The following LMLN variants were observed in gnomAD, a reference collection of about 807,000 sequenced individuals.
LMLN encodes leishmanolysin like peptidase.
In LMLN, 70 loss-of-function variants were observed where a neutral mutation model predicts 92.3. The observed-to-expected ratio is 0.76, with a 90% CI of 0.63 to 0.92. The LOEUF (loss-of-function observed/expected upper bound fraction) is 0.92. LMLN is among the 40% of genes least tolerant of loss of function. The pLI is 0.00. For missense variants in LMLN, 691 were observed against 814.6 expected (o/e 0.85, Z 1.85); for synonymous variants, 308 against 296.2 (o/e 1.04, Z -0.41).
intron 11 of LMLN, among the ~76,000 whole-genome samples, chr3:198,017,972 A>G (rs112321810): frequency 0.019 from 2,962 of 152,264 alleles, 114 homozygotes; most frequent in African/African-American, 0.068. Context: ...AGTGACATAC[A>G]TGATTAGTGG....
In LMLN at chr3:198,031,745, G is replaced by A. The variant is rs1267936532; in HGVS notation, c.1657-4088G>A. 6.6e-6 allele frequency among the ~76,000 whole-genome samples: 1 copy of A among 152,012 alleles called. No homozygotes were observed. The highest frequency in any genetic ancestry group is 2.4e-5 in the African/African-American group (1 of 41,364). On this transcript the variant is annotated intron_variant, in intron 14 of 15. Transcript: ENST00000330198. The surrounding 1 kb of genome is among the most constrained non-coding windows in gnomAD (Gnocchi z 4.8). ...ACATCCTCATCTGCCACAAGCCCCA[G>A]TATTCCAAAATTTAATGGGTTGATT... is the stretch of plus-strand genomic sequence containing the variant.
At chr3:198,001,864 G>A (rs1722183151) in intron 11 of LMLN, among the ~76,000 whole-genome samples, 1 of 151,904 alleles carries the variant, frequency 6.6e-6, no homozygotes, top group African/African-American at 2.4e-5. Flanking sequence ...CGTTGCCCAG[G>A]CTGGTCTCAA....
Position 197,990,696 on chromosome 3 carries a change from A to T in LMLN, c.1047+20A>T. On this transcript the variant is annotated intron_variant, in intron 9 of 15. Transcript: ENST00000330198. ...GTTGTTGTAAGTATTATCAGACTTC[A>T]TGTCTCATGAGCCATCTGTTCTTTT... 4 of 1,157,600 alleles carry T rather than the reference A, an allele frequency of 3.5e-6. No homozygotes were observed. Among genetic ancestry groups the T allele is most frequent in the African/African-American group, 1.5e-5 (1 of 66,018 alleles). 71.7% of individuals were successfully genotyped at this position (1,157,600 alleles called of 1,614,324 possible).
chr3:198,039,696 A>G (rs1723345498), exon 16 of LMLN: 1 of 152,096 alleles, frequency 6.6e-6, no homozygotes, highest in Non-Finnish European at 1.5e-5. Context: ...ATTAAATCTT[A>G]TGATTTAACC....
At chr3:198,012,431 T>G (rs1211237414) in intron 11 of LMLN, among the ~76,000 whole-genome samples, 3 of 152,314 alleles carry the variant, frequency 2.0e-5, no homozygotes, top group African/African-American at 7.2e-5. Context: ...TGGGTTCTTC[T>G]ATATCCTTGC....
At chr3:197,980,353 T>G (rs1228214175) in exon 6 of LMLN, 1 of 1,614,000 alleles carries the variant, frequency 6.2e-7, no homozygotes, top group South Asian at 1.1e-5. Context: ...TGGGGGTAAG[T>G]GGCCTCATGG....
intron 1 of LMLN, among the ~76,000 whole-genome samples, chr3:197,971,866 C>T (rs1721233267): frequency 6.6e-6 from 1 of 150,560 alleles, no homozygotes; most frequent in East Asian, 2.0e-4. Flanking sequence ...TATTCTGTCT[C>T]ATATTTTCTC....
At position 198,021,732 on chromosome 3, in the gene LMLN, A is replaced by G. The variant is rs543583481; in HGVS notation, c.1525+127A>G. Reference sequence around the variant, plus strand: ...GAATTTGCTTTATAGTTCAGCTGCTATCCATATGTAAGAAGTGACTTAACT... The same window carrying G: ...GAATTTGCTTTATAGTTCAGCTGCTGTCCATATGTAAGAAGTGACTTAACT... On this transcript the variant is annotated intron_variant, in intron 13 of 15. Coordinates refer to ENST00000330198, the Ensembl canonical transcript of LMLN. 2.1e-4 allele frequency: 153 copies of G among 713,460 alleles called. No homozygotes were observed. In the African/African-American group the frequency reaches 2.5e-3, roughly 12 times the overall value. The allele number at this position is 713,460 out of a possible 1,614,324, so 44.2% of individuals were successfully genotyped here.
chr3:198,002,972 A>T, intron 11 of LMLN, 43 bp from the exon 12 acceptor site: 1 of 1,131,726 alleles, frequency 8.8e-7, no homozygotes, highest in Non-Finnish European at 1.3e-6. Context: ...GTTGTTTTTG[A>T]AAGGACAGCA....
At chr3:198,034,623 A>T (rs78214475) in intron 14 of LMLN, among the ~76,000 whole-genome samples, 5,824 of 152,218 alleles carry the variant, frequency 0.038, 171 homozygotes, top group East Asian at 0.096. Context: ...AAAAATAAAT[A>T]AATTAAAATT....
intron 6 of LMLN, 126 bp downstream of exon 6, chr3:197,980,630 G>C (rs1334795476): frequency 2.3e-6 from 2 of 887,184 alleles, no homozygotes; most frequent in Non-Finnish European, 3.5e-6. Flanking sequence ...GACAGGAATA[G>C]CATGCTGCCT....
intron 12 of LMLN, among the ~76,000 whole-genome samples, chr3:198,020,936 T>A (rs868283214): frequency 3.4e-4 from 52 of 151,426 alleles, no homozygotes; most frequent in African/African-American, 8.7e-4. Context: ...AAATTAATTT[T>A]AAAAAAAAGG....
At chr3:197,980,542 T>C in intron 6 of LMLN, 38 bp downstream of exon 6, 2 of 1,574,468 alleles carry the variant, frequency 1.3e-6, no homozygotes, top group African/African-American at 1.4e-5. Context: ...CAAGATCTAA[T>C]GTGGGAACTC....
At chr3:197,983,837 A>C in intron 6 of LMLN, 106 bp from the exon 7 acceptor site, 2 of 665,972 alleles carry the variant, frequency 3.0e-6, no homozygotes, top group Non-Finnish European at 5.2e-6. Flanking sequence ...TGCATTGGAT[A>C]CTTTGCAAAG....
chr3:198,018,420 A>C (rs1366427942), intron 11 of LMLN, among the ~76,000 whole-genome samples: 3 of 152,236 alleles, frequency 2.0e-5, no homozygotes, highest in Non-Finnish European at 4.4e-5. Flanking sequence ...AGTAAATTCC[A>C]CAGAAGTGTG....
At chr3:198,024,820 A>G in intron 14 of LMLN, 32 bp downstream of exon 15, 1 of 1,553,740 alleles carries the variant, frequency 6.4e-7, no homozygotes, top group Non-Finnish European at 8.7e-7. Context: ...GTTGTGCCAA[A>G]TATTATGTGA....
intron 11 of LMLN, among the ~76,000 whole-genome samples, chr3:198,005,983 G>C (rs1163820510): frequency 1.3e-5 from 2 of 152,096 alleles, no homozygotes; most frequent in South Asian, 2.1e-4. Flanking sequence ...CAGGCGTGGT[G>C]GTGGGCGCCT....
chr3:198,016,993 A>G (rs1722658229), intron 11 of LMLN, among the ~76,000 whole-genome samples: 1 of 152,164 alleles, frequency 6.6e-6, no homozygotes, highest in African/African-American at 2.4e-5. Flanking sequence ...ATGGTGGCAC[A>G]TGCTTGTAGT....
At chr3:198,041,936 A>C (rs1723417699) in exon 16 of LMLN, 1 of 152,132 alleles carries the variant, frequency 6.6e-6, no homozygotes, top group East Asian at 1.9e-4. Context: ...TTTTATTGAT[A>C]TAATTATATT....
Sources: gnomAD v4.1 joint callset for allele counts (sites outside exome capture counted in the v4.1 genomes callset) on GRCh38, gnomAD v4.1.1 for gene constraint, Gnocchi (gnomAD v3.1) non-coding constraint, MANE v1.5 for transcripts, NCBI Gene and HGNC (gene_info 2026-07-23, HGNC 2026-07-21) for gene names.